RFTN2: variants seen among roughly 807,000 people sequenced by gnomAD.
RFTN2 encodes raftlin family member 2, also known as raftlin-2.
Under a neutral mutation model 52.7 loss-of-function variants are expected in RFTN2, and 34 were observed. The observed-to-expected ratio is 0.64, with a 90% confidence interval of 0.49 to 0.86. The LOEUF is 0.86. Among genes scored for constraint, RFTN2 ranks in the 40% least tolerant of loss-of-function variants. RFTN2 has a pLI of 0.00. For missense variants in RFTN2, 536 were observed against 600.1 expected, an observed-to-expected ratio of 0.89 and a Z score of 1.12; for synonymous variants, 203 against 217.7, an observed-to-expected ratio of 0.93 and a Z score of 0.59.
intron 5 of RFTN2, among the ~76,000 whole-genome samples, chr2:197,618,676 G>C (rs2088194611): frequency 6.6e-6 from 1 of 151,840 alleles, no homozygotes; most frequent in Non-Finnish European, 1.5e-5. Flanking sequence ...CATCTGGGAA[G>C]TGAGGAGCGT....
rs1350465548 is a variant in RFTN2 at position 197,596,077 on chromosome 2, T to C, written c.1155-8A>G. On this transcript the variant is annotated splice_polypyrimidine_tract_variant and splice_region_variant and intron_variant, in intron 7 of 8. Coordinates refer to ENST00000295049, the MANE Select transcript of RFTN2 (RefSeq NM_144629.3). ...GTAGCCAAATTCCCTTCACTGCAAA[T>C]TAAAACAATAGTATTAGTATTTGTG... The C allele has an allele frequency of 6.4e-7, 1 of 1,570,590 alleles. No homozygotes were observed. Among genetic ancestry groups the C allele is most frequent in the African/African-American group, 1.3e-5 (1 of 74,204 alleles).
chr2:197,668,774 T>C (rs966040657), intron 1 of RFTN2, among the ~76,000 whole-genome samples: 1 of 152,142 alleles, frequency 6.6e-6, no homozygotes, highest in African/African-American at 2.4e-5. Flanking sequence ...TCGGGAAGTG[T>C]TTGGGACCCA....
At chr2:197,601,739 C>T (rs950657509) in intron 7 of RFTN2, among the ~76,000 whole-genome samples, 11 of 152,054 alleles carry the variant, frequency 7.2e-5, no homozygotes, top group African/African-American at 2.7e-4. Flanking sequence ...TTAAGCATTC[C>T]ACCTTATAAT....
At chr2:197,584,238 C>T (rs1007065551) in intron 8 of RFTN2, among the ~76,000 whole-genome samples, 1 of 152,178 alleles carries the variant, frequency 6.6e-6, no homozygotes, top group African/African-American at 2.4e-5. Context: ...TTTACAGTCC[C>T]ACCAACAGTT....
chr2:197,615,943 G>T lies in RFTN2; in HGVS notation c.1087C>A (p.His363Asn). 1 of 1,558,486 alleles carries T rather than the reference G, an allele frequency of 6.4e-7. No individual in the cohort carries two copies. The highest frequency in any genetic ancestry group is 8.7e-7 in the Non-Finnish European group (1 of 1,149,388). The change falls in exon 7 of 9, where the codon CAC becomes AAC. Residue 363 changes from histidine to asparagine, a missense_variant. By Grantham distance (68) the His-to-Asn change is moderately conservative. Transcript: ENST00000295049. ...EIKTDYGPLL[H>N]TLAEFGWLLT... ...AGCCATCCGAATTCAGCCAGAGTGT[G>T]CAGCAGAGGGCCATAATCTGTTTTG... is the stretch of plus-strand genomic sequence containing the variant.
At chr2:197,625,383 A>C (rs1420948100) in intron 5 of RFTN2, among the ~76,000 whole-genome samples, 4 of 152,088 alleles carry the variant, frequency 2.6e-5, no homozygotes, top group Non-Finnish European at 5.9e-5. Context: ...TGATATTGAC[A>C]TTCCTGTAAA....
chr2:197,640,269 G>C lies in RFTN2; in HGVS notation c.438+3889C>G, dbSNP rs373537035. On this transcript the variant is annotated intron_variant, in intron 3 of 8. Transcript: ENST00000295049. ...GAGCTGTGGTGGGCTCCACCCAGTT[G>C]GAGCTTCCTGGCTGCTTTGTTTACC... is the stretch of plus-strand genomic sequence containing the variant. Among the ~76,000 whole-genome samples, 1,319 of 141,838 alleles carry C rather than the reference G, an allele frequency of 9.3e-3. 39 individuals are homozygous for C. The highest frequency in any genetic ancestry group is 0.033 in the African/African-American group (1,225 of 36,952). 93.1% of individuals were successfully genotyped at this position (141,838 alleles called of 152,430 possible). A position where few individuals can be genotyped will look rare whatever the true frequency, so the allele number is the denominator to read the frequency against.
At chr2:197,597,824 A>G (rs1241182799) in intron 7 of RFTN2, among the ~76,000 whole-genome samples, 1 of 151,962 alleles carries the variant, frequency 6.6e-6, no homozygotes, top group African/African-American at 2.4e-5. Flanking sequence ...AGCCTCTCTG[A>G]TTTTTTTCTA....
At chr2:197,634,190 C>T (rs1375840068) in intron 3 of RFTN2, among the ~76,000 whole-genome samples, 193 bp from the exon 4 acceptor site, 1 of 152,090 alleles carries the variant, frequency 6.6e-6, no homozygotes, top group East Asian at 1.9e-4. Context: ...ACATGATCAT[C>T]ATGACCTTCA....
intron 6 of RFTN2, among the ~76,000 whole-genome samples, chr2:197,616,520 G>A (rs918199936): frequency 5.3e-5 from 8 of 151,922 alleles, no homozygotes; most frequent in African/African-American, 1.2e-4. Context: ...TTGAACTCCC[G>A]GGCTCAAGTT....
Position 197,571,839 on chromosome 2 carries a change from T to G in RFTN2, c.*169A>C. On this transcript the variant is annotated 3_prime_UTR_variant, in exon 9 of 9. Coordinates refer to ENST00000295049, the MANE Select transcript of RFTN2 (RefSeq NM_144629.3). ...TCTAAATGTATAAATATGTTGGTTA[T>G]TCTTCCTTGTCTGGGAGGTTGTGCC... 1 of 621,690 alleles carries G rather than the reference T, an allele frequency of 1.6e-6. No homozygotes were observed. The highest frequency in any genetic ancestry group is 2.8e-4 in the Middle Eastern group (1 of 3,530). The allele number at this position is 621,690 out of a possible 1,614,324, so 38.5% of individuals were successfully genotyped here. A position where few individuals can be genotyped will look rare whatever the true frequency, so the allele number is the denominator to read the frequency against.
At chr2:197,590,997 T>G (rs894686677) in intron 8 of RFTN2, among the ~76,000 whole-genome samples, 4 of 152,230 alleles carry the variant, frequency 2.6e-5, no homozygotes, top group African/African-American at 9.6e-5. Flanking sequence ...TTCTCTTATC[T>G]GGCCCCACCC....
At chr2:197,575,531 A>C (rs2087396690) in intron 8 of RFTN2, among the ~76,000 whole-genome samples, 1 of 152,058 alleles carries the variant, frequency 6.6e-6, no homozygotes, top group South Asian at 2.1e-4. Flanking sequence ...ATAAATATTT[A>C]CTGAGGGCAG....
chr2:197,630,810 C>T (rs535391720), intron 5 of RFTN2, among the ~76,000 whole-genome samples: 1 of 152,308 alleles, frequency 6.6e-6, no homozygotes, highest in South Asian at 2.1e-4. Flanking sequence ...TTTCTGCCCA[C>T]ACTCCTTAAG....
intron 1 of RFTN2, among the ~76,000 whole-genome samples, chr2:197,654,905 G>A (rs2088873200): frequency 6.6e-6 from 1 of 152,066 alleles, no homozygotes; most frequent in Non-Finnish European, 1.5e-5. Context: ...GCTGAGATAT[G>A]AGAATTGCTT....
chr2:197,603,584 T>C (rs2087913089), intron 7 of RFTN2, among the ~76,000 whole-genome samples: 1 of 152,140 alleles, frequency 6.6e-6, no homozygotes, highest in African/African-American at 2.4e-5. Flanking sequence ...CCCAAAGGGC[T>C]GAGATTACAG....
intron 1 of RFTN2, among the ~76,000 whole-genome samples, chr2:197,658,511 T>A (rs1003062280): frequency 6.6e-6 from 1 of 151,802 alleles, no homozygotes; most frequent in African/African-American, 2.4e-5. Flanking sequence ...GGTCTTGAAC[T>A]CCTGGACTCA....
At chr2:197,581,046 A>T (rs192075185) in intron 8 of RFTN2, among the ~76,000 whole-genome samples, 14 of 152,010 alleles carry the variant, frequency 9.2e-5, no homozygotes, top group Admixed American at 1.3e-4. Flanking sequence ...GCAACCAATC[A>T]CACACTTGTT....
At chr2:197,595,366 GA>G (rs912787433) in intron 8 of RFTN2, among the ~76,000 whole-genome samples, 4 of 152,176 alleles carry the variant, frequency 2.6e-5, no homozygotes, top group African/African-American at 9.7e-5. Context: ...ATTAACAGGA[GA>G]AAAGGTTTAT....
Sources: gnomAD v4.1 joint callset for allele counts (sites outside exome capture counted in the v4.1 genomes callset) on GRCh38, gnomAD v4.1.1 for gene constraint, MANE v1.5 for transcripts, NCBI Gene and HGNC (gene_info 2026-07-23, HGNC 2026-07-21) for gene names.